CLVS1: variants seen among roughly 807,000 people sequenced by gnomAD.
The protein encoded by CLVS1 is clavesin 1, also known as clavesin-1.
In CLVS1, 10 loss-of-function variants were observed where a neutral mutation model predicts 33.1. The ratio of observed to expected loss-of-function variants is 0.30; its 90% CI spans 0.19 to 0.51. The LOEUF (loss-of-function observed/expected upper bound fraction) is 0.51, where lower values mean the gene tolerates loss of function less well. Ranked by LOEUF, CLVS1 falls within the 20% of genes least tolerant of loss-of-function variation. The probability of loss-of-function intolerance (pLI) is 0.97; values close to 1 mark genes in which losing one functional copy is unlikely to be tolerated. For synonymous variants in CLVS1, 163 were observed against 166.1 expected (o/e 0.98, Z 0.14); for missense variants, 343 against 433.4 (o/e 0.79, Z 1.85).
chr8:61,400,504 C>G (rs1013028955), intron 3 of CLVS1, among the ~76,000 whole-genome samples: 1 of 152,140 alleles, frequency 6.6e-6, no homozygotes, highest in Non-Finnish European at 1.5e-5. Context: ...TTCTTCTCTT[C>G]CTGTTTGAAT....
intron 2 of CLVS1, among the ~76,000 whole-genome samples, chr8:61,259,822 G>C (rs928253813): frequency 1.3e-5 from 2 of 152,128 alleles, no homozygotes; most frequent in Non-Finnish European, 2.9e-5. Flanking sequence ...GGTGTGGCAG[G>C]CTGCCTCAGC....
intron 5 of CLVS1, among the ~76,000 whole-genome samples, chr8:61,470,714 G>A (rs1044864166): frequency 5.3e-5 from 8 of 152,156 alleles, no homozygotes; most frequent in African/African-American, 1.9e-4. Context: ...CATAATATAT[G>A]GTAGAAGTCT....
chr8:61,489,492 T>A (rs938961761), intron 5 of CLVS1, among the ~76,000 whole-genome samples: 1 of 152,232 alleles, frequency 6.6e-6, no homozygotes, highest in Non-Finnish European at 1.5e-5. Context: ...AATACCCAGC[T>A]TAGATTATTG....
intron 3 of CLVS1, among the ~76,000 whole-genome samples, chr8:61,445,184 T>C (rs1412338216): frequency 6.6e-6 from 1 of 152,238 alleles, no homozygotes. Flanking sequence ...ATTGTTGAAG[T>C]CTACATGCTA....
At chr8:61,448,711 CA>C (rs35158301) in intron 3 of CLVS1, among the ~76,000 whole-genome samples, 12,205 of 139,318 alleles carry the variant, frequency 0.088, 528 homozygotes, top group Non-Finnish European at 0.11. Flanking sequence ...CCCTCTCTCT[CA>C]AAAAAAAAAA....
chr8:61,467,340 A>G (rs1817583467), intron 5 of CLVS1, among the ~76,000 whole-genome samples: 1 of 152,190 alleles, frequency 6.6e-6, no homozygotes. Context: ...TGTTTCATTT[A>G]TTCTTAGCCA....
At chr8:61,352,976 C>A (rs567471185) in intron 2 of CLVS1, among the ~76,000 whole-genome samples, 1 of 152,008 alleles carries the variant, frequency 6.6e-6, no homozygotes, top group South Asian at 2.1e-4. Flanking sequence ...ATTCTGATAT[C>A]CTCAGGAATC....
intron 1 of CLVS1, among the ~76,000 whole-genome samples, chr8:61,081,019 T>A (rs1805010558): frequency 6.6e-6 from 1 of 152,208 alleles, no homozygotes; most frequent in African/African-American, 2.4e-5. Context: ...TCAGAAAATG[T>A]CTACAATCTT....
At chr8:60,974,743 C>T in the CLVS1 span, among the ~76,000 whole-genome samples, 1 of 150,206 alleles carries the variant, frequency 6.7e-6, no homozygotes, top group Non-Finnish European at 1.5e-5. Context: ...CACGCCACTG[C>T]ACTCCAGCCT....
chr8:61,114,633 C>G (rs988594076), intron 1 of CLVS1, among the ~76,000 whole-genome samples: 2 of 152,160 alleles, frequency 1.3e-5, no homozygotes, highest in Non-Finnish European at 2.9e-5. Flanking sequence ...GTACATCATT[C>G]TGAGTTTAAA....
intron 3 of CLVS1, among the ~76,000 whole-genome samples, chr8:61,381,001 G>A (rs150461204): frequency 3.9e-5 from 6 of 151,982 alleles, no homozygotes; most frequent in Non-Finnish European, 5.9e-5. Context: ...TATTTGTTAC[G>A]GATTTAGAGA....
chr8:61,288,419 A>G (rs906455800), intron 1 of CLVS1, among the ~76,000 whole-genome samples: 3 of 152,168 alleles, frequency 2.0e-5, no homozygotes, highest in African/African-American at 7.2e-5. Flanking sequence ...CGCGGTAACT[A>G]TAGTCACACA....
At chr8:61,126,431 C>T (rs1805974533) in intron 1 of CLVS1, among the ~76,000 whole-genome samples, 1 of 152,158 alleles carries the variant, frequency 6.6e-6, no homozygotes, top group Non-Finnish European at 1.5e-5. Flanking sequence ...TCTTGCCTGG[C>T]ACGTAGTAAA....
intron 2 of CLVS1, among the ~76,000 whole-genome samples, chr8:61,253,621 T>C (rs961123713): frequency 6.6e-5 from 10 of 152,166 alleles, no homozygotes; most frequent in African/African-American, 2.4e-4. Context: ...TGTTCATTTC[T>C]TTTTATTATT....
At chr8:61,236,494 C>T (rs1808562944) in intron 2 of CLVS1, among the ~76,000 whole-genome samples, 1 of 152,200 alleles carries the variant, frequency 6.6e-6, no homozygotes, top group African/African-American at 2.4e-5. Context: ...CTGTTGCTCG[C>T]TTGCTCAGAC....
At chr8:61,063,804 A>G (rs1051914923) in intron 1 of CLVS1, among the ~76,000 whole-genome samples, 1 of 152,226 alleles carries the variant, frequency 6.6e-6, no homozygotes, top group Non-Finnish European at 1.5e-5. Context: ...ACAATGCCGC[A>G]CAATCATCCC....
intron 1 of CLVS1, chr8:61,292,376 G>A (rs1179095864): frequency 4.4e-6 from 2 of 456,238 alleles, no homozygotes; most frequent in South Asian, 3.1e-5. Flanking sequence ...ACATCCAGAA[G>A]AAGGGTCACG....
At chr8:61,463,152 C>G (rs972316101) in intron 5 of CLVS1, among the ~76,000 whole-genome samples, 3 of 152,194 alleles carry the variant, frequency 2.0e-5, no homozygotes, top group Non-Finnish European at 4.4e-5. Flanking sequence ...GAACCAACCT[C>G]TGCTAGCTTC....
intron 2 of CLVS1, among the ~76,000 whole-genome samples, chr8:61,144,498 A>G (rs1806376448): frequency 6.6e-6 from 1 of 152,108 alleles, no homozygotes; most frequent in Admixed American, 6.5e-5. Context: ...TCACTTTGTG[A>G]ATAGTGCTGC....
Sources: allele counts gnomAD v4.1 joint callset (sites outside exome capture counted in the v4.1 genomes callset), GRCh38; gene constraint gnomAD v4.1.1; transcripts MANE v1.5; gene names NCBI Gene and HGNC (gene_info 2026-07-23, HGNC 2026-07-21).